UBR1: variants seen among roughly 807,000 people sequenced by gnomAD.
UBR1 encodes the protein E3 ubiquitin-protein ligase UBR1.
In UBR1, 102 loss-of-function variants were observed where a neutral mutation model predicts 242.1. That is an observed-to-expected ratio of 0.42 (90% CI 0.36 to 0.50). UBR1 has a LOEUF of 0.50. UBR1 is among the 20% of genes least tolerant of loss of function. The pLI is 0.01. For missense variants in UBR1, 1,772 were observed against 2,101.8 expected (o/e 0.84, Z 3.07); for synonymous variants, 675 against 684.8 (o/e 0.99, Z 0.22).
At chr15:43,064,570 C>T (rs548568933) in intron 6 of UBR1, among the ~76,000 whole-genome samples, 1 of 150,174 alleles carries the variant, frequency 6.7e-6, no homozygotes, top group South Asian at 2.1e-4. Context: ...TATTTCCTAT[C>T]TTACATCTTT....
intron 39 of UBR1, among the ~76,000 whole-genome samples, chr15:42,971,109 T>C (rs28633493): frequency 0.24 from 36,676 of 152,104 alleles, 5,266 homozygotes; most frequent in African/African-American, 0.4. Flanking sequence ...TAGGGCAGAA[T>C]CACTAAACAT....
intron 40 of UBR1, among the ~76,000 whole-genome samples, chr15:42,968,970 A>C (rs921428339): frequency 6.6e-6 from 1 of 152,174 alleles, no homozygotes; most frequent in African/African-American, 2.4e-5. Flanking sequence ...TGGTGCTGCA[A>C]TAAACATATG....
At chr15:43,051,809 A>G (rs1433219323) in intron 12 of UBR1, among the ~76,000 whole-genome samples, 1 of 152,198 alleles carries the variant, frequency 6.6e-6, no homozygotes, top group East Asian at 1.9e-4. Context: ...TAGGTGGCAA[A>G]AGCAATGGGA....
chr15:43,005,176 G>A (rs888436874), intron 30 of UBR1, among the ~76,000 whole-genome samples: 2 of 150,978 alleles, frequency 1.3e-5, no homozygotes, highest in South Asian at 2.1e-4. Context: ...GAGCCCCTCC[G>A]CCCAGCAGCC....
intron 1 of UBR1, 98 bp from the exon 2 acceptor site, chr15:43,086,338 T>A: frequency 1.4e-6 from 2 of 1,427,134 alleles, no homozygotes. Flanking sequence ...TTCAAAGTAA[T>A]TTACAGTATA....
At chr15:42,985,972 A>T (rs2032452220) in intron 35 of UBR1, among the ~76,000 whole-genome samples, 1 of 150,170 alleles carries the variant, frequency 6.7e-6, no homozygotes, top group Non-Finnish European at 1.5e-5. Context: ...CCTGGACAAC[A>T]AAGTGAGACC....
At chr15:42,955,863 CAT>C (rs1364646424) in intron 44 of UBR1, among the ~76,000 whole-genome samples, 2 of 152,186 alleles carry the variant, frequency 1.3e-5, no homozygotes. Context: ...CATGTAGACA[CAT>C]GTTTAGGCTT....
intron 33 of UBR1, among the ~76,000 whole-genome samples, chr15:42,994,208 T>C (rs546322825): frequency 4.6e-5 from 7 of 152,186 alleles, no homozygotes; most frequent in East Asian, 1.9e-4. Context: ...TTGAAAACTA[T>C]TGAGATTCTT....
At chr15:43,099,701 T>C (rs2034204394) in intron 1 of UBR1, among the ~76,000 whole-genome samples, 1 of 152,160 alleles carries the variant, frequency 6.6e-6, no homozygotes, top group South Asian at 2.1e-4. Flanking sequence ...TTTGAAGCAA[T>C]GTGCTAGAAA....
At chr15:43,057,636 T>TA (rs2033634024) in intron 10 of UBR1, among the ~76,000 whole-genome samples, 2 of 152,206 alleles carry the variant, frequency 1.3e-5, no homozygotes, top group Non-Finnish European at 2.9e-5. Flanking sequence ...AAAAACTAAG[T>TA]AGAACTCTTG....
rs142570936 is a variant in UBR1, at chr15:43,100,811, C to T, written c.81+5131G>A. Among the ~76,000 whole-genome samples, 458 of 152,194 alleles carry T rather than the reference C, an allele frequency of 3.0e-3. 2 individuals are homozygous for T. Among genetic ancestry groups the T allele is most frequent in the African/African-American group, 0.011 (437 of 41,516 alleles). On this transcript the variant is annotated intron_variant, in intron 1 of 46. Transcript: ENST00000290650. ...GATCGCACCACGCACTCCAGCCTGGCGACAGAGCGAGACTCCGTCTCAAAA... is the reference window on the plus strand; with the variant it reads ...GATCGCACCACGCACTCCAGCCTGGTGACAGAGCGAGACTCCGTCTCAAAA...
Position 43,025,298 on chromosome 15 carries a change from C to T in UBR1, c.2584+83G>A, listed in dbSNP as rs1464435265. 3 of 1,409,804 alleles carry T rather than the reference C, an allele frequency of 2.1e-6. No homozygotes were observed. The African/African-American group carries it at 4.3e-5, about 20-fold the overall frequency. 87.3% of individuals were successfully genotyped at this position (1,409,804 alleles called of 1,614,324 possible). A position where few individuals can be genotyped will look rare whatever the true frequency, so the allele number is the denominator to read the frequency against. On this transcript the variant is annotated intron_variant, in intron 24 of 46. Coordinates refer to ENST00000290650, the MANE Select transcript of UBR1 (RefSeq NM_174916.3). ...TGAGTTGCCCACTCTCAAAAACCAA[C>T]AACAACAAAAAACTATATGCTTTGC... is the stretch of plus-strand genomic sequence containing the variant.
intron 4 of UBR1, among the ~76,000 whole-genome samples, chr15:43,071,557 T>C (rs1196879565): frequency 6.6e-6 from 1 of 151,798 alleles, no homozygotes; most frequent in Non-Finnish European, 1.5e-5. Context: ...TTAATACTAC[T>C]GAACGCTATA....
chr15:42,997,427 C>A (rs1007048181), intron 33 of UBR1, among the ~76,000 whole-genome samples: 1 of 152,094 alleles, frequency 6.6e-6, no homozygotes, highest in Non-Finnish European at 1.5e-5. Flanking sequence ...CCAAAACCAT[C>A]CCCCTCATCC....
At chr15:43,005,066 C>T (rs931145062) in intron 30 of UBR1, among the ~76,000 whole-genome samples, 4 of 151,834 alleles carry the variant, frequency 2.6e-5, no homozygotes, top group Non-Finnish European at 5.9e-5. Flanking sequence ...TCTGCCCGAC[C>T]GCCACCCCAT....
At chr15:43,005,335 G>C in intron 30 of UBR1, among the ~76,000 whole-genome samples, 2 of 151,116 alleles carry the variant, frequency 1.3e-5, no homozygotes, top group East Asian at 3.9e-4. Flanking sequence ...GGAGGTGGGG[G>C]GCAGCCCCCG....
chr15:43,017,885 A>G (rs2033051238), intron 27 of UBR1, among the ~76,000 whole-genome samples: 1 of 151,874 alleles, frequency 6.6e-6, no homozygotes. Context: ...CAGAATATAT[A>G]ATTTTTATAT....
At chr15:43,052,787 T>C (rs566088980) in intron 12 of UBR1, among the ~76,000 whole-genome samples, 1 of 152,300 alleles carries the variant, frequency 6.6e-6, no homozygotes, top group South Asian at 2.1e-4. Flanking sequence ...GTTTTTGTGA[T>C]TGGTGTGTTA....
At chr15:43,015,244 G>C (rs1031788153) in intron 29 of UBR1, among the ~76,000 whole-genome samples, 1 of 152,204 alleles carries the variant, frequency 6.6e-6, no homozygotes, top group African/African-American at 2.4e-5. Context: ...GATGGTTGCT[G>C]TGTCTGTGTA....
Sources: allele counts gnomAD v4.1 joint callset (sites outside exome capture counted in the v4.1 genomes callset), GRCh38; gene constraint gnomAD v4.1.1; transcripts MANE v1.5; gene names NCBI Gene and HGNC (gene_info 2026-07-23, HGNC 2026-07-21).